MACO1: variants seen among roughly 807,000 people sequenced by gnomAD.
The protein encoded by MACO1 is macoilin.
In MACO1, 14 loss-of-function variants were observed where a neutral mutation model predicts 78.7. The ratio of observed to expected loss-of-function variants is 0.18; its 90% confidence interval spans 0.12 to 0.28. The LOEUF is 0.28. Among genes scored for constraint, MACO1 ranks in the 10% least tolerant of loss-of-function variants. The probability of loss-of-function intolerance (pLI) is 1.00; values close to 1 mark genes in which losing one functional copy is unlikely to be tolerated. For synonymous variants in MACO1, 288 were observed against 291.6 expected (o/e 0.99, Z 0.12); for missense variants, 501 against 799.0 (o/e 0.63, Z 4.50).
chr1:25,493,050 CAG>C (rs2124613738), intron 10 of MACO1, among the ~76,000 whole-genome samples: 1 of 152,232 alleles, frequency 6.6e-6, no homozygotes, highest in East Asian at 1.9e-4. Context: ...CAGGGACTGA[CAG>C]AGTAGTCACA....
chr1:25,431,450 C>A (rs1193928962), intron 1 of MACO1, among the ~76,000 whole-genome samples: 1 of 150,296 alleles, frequency 6.7e-6, no homozygotes, highest in Non-Finnish European at 1.5e-5. Flanking sequence ...CCGGGCCCGC[C>A]GGGGGGAGGG....
intron 10 of MACO1, 31 bp downstream of exon 10, chr1:25,491,615 T>C: frequency 1.2e-6 from 2 of 1,601,076 alleles, no homozygotes. Flanking sequence ...GGTGAGGTGG[T>C]GTGACTGATA....
intron 6 of MACO1, among the ~76,000 whole-genome samples, chr1:25,464,742 C>T (rs941574395): frequency 3.4e-4 from 50 of 147,952 alleles, no homozygotes; most frequent in African/African-American, 1.2e-3. Flanking sequence ...CTGCAACCTT[C>T]ACCTCCCGGG....
At chr1:25,443,184 A>G (rs1268321337) in intron 1 of MACO1, among the ~76,000 whole-genome samples, 2 of 152,208 alleles carry the variant, frequency 1.3e-5, no homozygotes, top group Non-Finnish European at 2.9e-5. Context: ...TGTGATGAGC[A>G]ATTAATTTAG....
intron 3 of MACO1, among the ~76,000 whole-genome samples, chr1:25,452,331 G>A (rs1409338128): frequency 1.3e-5 from 2 of 152,160 alleles, no homozygotes; most frequent in Admixed American, 6.6e-5. Flanking sequence ...TCCTGATATA[G>A]ATGGACCTAG....
chr1:25,488,851 T>C (rs901734310), intron 8 of MACO1, among the ~76,000 whole-genome samples: 8 of 152,156 alleles, frequency 5.3e-5, no homozygotes, highest in Admixed American at 4.6e-4. Context: ...GGAGTCTCAC[T>C]CGGACGCCCA....
intron 6 of MACO1, among the ~76,000 whole-genome samples, chr1:25,483,133 C>T (rs1468842720): frequency 6.6e-6 from 1 of 152,208 alleles, no homozygotes; most frequent in Admixed American, 6.5e-5. Flanking sequence ...TCACTGCAAC[C>T]TCCACCTCCT....
At chr1:25,472,331 A>C (rs533613036) in intron 6 of MACO1, among the ~76,000 whole-genome samples, 2 of 152,114 alleles carry the variant, frequency 1.3e-5, no homozygotes, top group Non-Finnish European at 2.9e-5. Context: ...CGTCATCTAC[A>C]TTAGGTATTT....
intron 3 of MACO1, among the ~76,000 whole-genome samples, chr1:25,451,227 AGTT>A (rs2124580023): frequency 6.6e-6 from 1 of 152,338 alleles, no homozygotes; most frequent in African/African-American, 2.4e-5. Flanking sequence ...AACTTGGGGT[AGTT>A]GTTAAAATTT....
At chr1:25,486,867 G>A (rs2043438140) in intron 8 of MACO1, among the ~76,000 whole-genome samples, 1 of 152,150 alleles carries the variant, frequency 6.6e-6, no homozygotes, top group African/African-American at 2.4e-5. Context: ...GGGATTGTTT[G>A]TTTGTTTGAA....
intron 8 of MACO1, among the ~76,000 whole-genome samples, chr1:25,486,274 CTG>C (rs2043430146): frequency 6.6e-6 from 1 of 151,976 alleles, no homozygotes; most frequent in Non-Finnish European, 1.5e-5. Context: ...TATCAGCAAA[CTG>C]TCAAATGAAA....
intron 1 of MACO1, among the ~76,000 whole-genome samples, chr1:25,431,791 G>A (rs998748125): frequency 1.3e-5 from 2 of 152,188 alleles, no homozygotes; most frequent in African/African-American, 4.8e-5. Flanking sequence ...CCCAAATCAT[G>A]CCCTGTGGCC....
chr1:25,486,879 A>C (rs2043438342), intron 8 of MACO1, among the ~76,000 whole-genome samples: 1 of 152,120 alleles, frequency 6.6e-6, no homozygotes, highest in Non-Finnish European at 1.5e-5. Flanking sequence ...TTGTTTGAAG[A>C]TGTATTTGCA....
At chr1:25,437,837 C>T (rs1001299430) in intron 1 of MACO1, among the ~76,000 whole-genome samples, 1 of 152,128 alleles carries the variant, frequency 6.6e-6, no homozygotes, top group Non-Finnish European at 1.5e-5. Context: ...GGGAGGATCA[C>T]GTGAGCCCAG....
intron 1 of MACO1, among the ~76,000 whole-genome samples, chr1:25,433,807 A>G (rs2042896821): frequency 6.6e-6 from 1 of 152,234 alleles, no homozygotes; most frequent in Non-Finnish European, 1.5e-5. Context: ...AGTTTGTGAA[A>G]TGCTTTATAA....
rs1180418785 is a variant in MACO1, at chr1:25,469,970, G to C, written c.1154+11078G>C. On this transcript the variant is annotated intron_variant, in intron 6 of 10. Transcript: ENST00000374343. The stretch of plus-strand genomic sequence containing the variant: ...ACTCCTTGGTGTATTTGGTCTTGCA[G>C]TTTAGGAAAAAACTAAAGTAGATGT... Among the ~76,000 whole-genome samples, 4 of 152,132 alleles carry C rather than the reference G, an allele frequency of 2.6e-5. No individual in the cohort carries two copies. The East Asian group carries it at 7.7e-4, about 29-fold the overall frequency.
At chr1:25,457,393 T>A (rs1460574185) in intron 5 of MACO1, among the ~76,000 whole-genome samples, 1 of 152,232 alleles carries the variant, frequency 6.6e-6, no homozygotes, top group East Asian at 1.9e-4. Context: ...ATTACAGGCA[T>A]GAGCCACTAT....
In MACO1 at chr1:25,465,477, C is replaced by T. The variant is rs149390727; in HGVS notation, c.1154+6585C>T. 5.9e-5 allele frequency among the ~76,000 whole-genome samples: 9 copies of T among 152,260 alleles called. No individual in the cohort carries two copies. The East Asian group carries it at 1.4e-3, about 23-fold the overall frequency. ...TTGGTATTGTCAGTGTTATGGATTT[C>T]GGCCACCCTAATAGGTGGATAGTGG... On this transcript the variant is annotated intron_variant, in intron 6 of 10. Coordinates refer to ENST00000374343, the MANE Select transcript of MACO1 (RefSeq NM_018202.6).
In MACO1 at chr1:25,456,794, A is replaced by G. The variant is rs1392871859; in HGVS notation, c.615A>G (p.Gln205=). Residue 205 remains glutamine (Q), a synonymous_variant, in exon 5 of 11, where the codon CAA becomes CAG. Transcript: ENST00000374343. ...TTCAACAAGCTCTCCCTCCAGAGCAACAGATGCTACAGAAGCAAGAAAAAG... is the reference window on the plus strand; with the variant it reads ...TTCAACAAGCTCTCCCTCCAGAGCAGCAGATGCTACAGAAGCAAGAAAAAG... ...QLLQQALPPE[Q]QMLQKQEKEA... is the part of the protein sequence containing the mutation. 2 of 1,613,626 alleles carry G rather than the reference A, an allele frequency of 1.2e-6. No homozygotes were observed. The highest frequency in any genetic ancestry group is 1.7e-5 in the Admixed American group (1 of 59,866).
Sources: gnomAD v4.1 joint callset for allele counts (sites outside exome capture counted in the v4.1 genomes callset) on GRCh38, gnomAD v4.1.1 for gene constraint, MANE v1.5 for transcripts, NCBI Gene and HGNC (gene_info 2026-07-23, HGNC 2026-07-21) for gene names.